ADARB1: variants seen among roughly 807,000 people sequenced by gnomAD.
ADARB1 encodes the protein double-stranded RNA-specific editase 1.
ADARB1 carries 10 observed loss-of-function variants against 52.4 expected under a neutral mutation model. The ratio of observed to expected loss-of-function variants is 0.19; its 90% CI spans 0.12 to 0.32. ADARB1 has a LOEUF of 0.32. ADARB1 is among the 10% of genes least tolerant of loss of function. ADARB1 has a pLI of 1.00. For synonymous variants in ADARB1, 349 were observed against 371.1 expected, an observed-to-expected ratio of 0.94 and a Z score of 0.68; for missense variants, 643 against 922.3, an observed-to-expected ratio of 0.70 and a Z score of 3.92.
At chr21:45,213,770 A>G (rs930300407) in intron 9 of ADARB1, among the ~76,000 whole-genome samples, 3 of 152,226 alleles carry the variant, frequency 2.0e-5, no homozygotes, top group Non-Finnish European at 2.9e-5. Flanking sequence ...CTGGGTGGAT[A>G]AACCACAATT....
intron 1 of ADARB1, among the ~76,000 whole-genome samples, chr21:45,125,992 C>A (rs531771459): frequency 6.6e-6 from 1 of 152,304 alleles, no homozygotes; most frequent in East Asian, 1.9e-4. Context: ...TATCTGTGTG[C>A]CACACAATTC....
chr21:45,088,212 G>A (rs2156271), intron 1 of ADARB1, among the ~76,000 whole-genome samples: 1 of 152,188 alleles, frequency 6.6e-6, no homozygotes, highest in South Asian at 2.1e-4. Context: ...GGAAGACCTA[G>A]AAGCAATGAC....
chr21:45,097,812 C>T (rs1378969550), intron 1 of ADARB1, among the ~76,000 whole-genome samples: 1 of 152,144 alleles, frequency 6.6e-6, no homozygotes, highest in Non-Finnish European at 1.5e-5. Context: ...AACCGCTGCT[C>T]CCTAAAGGAA....
At chr21:45,167,179 G>A (rs1378023482) in intron 2 of ADARB1, among the ~76,000 whole-genome samples, 2 of 152,102 alleles carry the variant, frequency 1.3e-5, no homozygotes, top group Non-Finnish European at 2.9e-5. Flanking sequence ...CACCACACTC[G>A]GCATGACTAT....
intron 1 of ADARB1, among the ~76,000 whole-genome samples, chr21:45,083,087 C>T (rs532709292): frequency 3.9e-5 from 6 of 152,356 alleles, no homozygotes; most frequent in African/African-American, 1.4e-4. Flanking sequence ...TTCCTCCCCA[C>T]ACAGCCTGCC....
chr21:45,081,693 C>G (rs916678617), intron 1 of ADARB1, among the ~76,000 whole-genome samples: 7 of 152,128 alleles, frequency 4.6e-5, no homozygotes, highest in Admixed American at 4.6e-4. Flanking sequence ...GAGGGTGGCT[C>G]CTGGTGGAGG....
At chr21:45,075,171 C>G (rs112372208) in intron 1 of ADARB1, among the ~76,000 whole-genome samples, 289 of 149,652 alleles carry the variant, frequency 1.9e-3, no homozygotes, top group African/African-American at 6.8e-3. Context: ...CCCTGGAGAT[C>G]GGAGGCTGCG....
chr21:45,134,200 GGT>G (rs1247140209), intron 2 of ADARB1, among the ~76,000 whole-genome samples: 1 of 116,854 alleles, frequency 8.6e-6, no homozygotes. Flanking sequence ...GCGCCCGATG[GGT>G]GTGTGTGCCC....
chr21:45,180,031 G>A (rs920766439), intron 4 of ADARB1, among the ~76,000 whole-genome samples: 1 of 152,236 alleles, frequency 6.6e-6, no homozygotes, highest in Non-Finnish European at 1.5e-5. Context: ...CTGAGGGCCG[G>A]GCTGGCCTGC....
rs1020195929 is a variant in ADARB1, at chr21:45,144,862, A to G, written c.-48+16289A>G. ...AGTCTAAATTACTCTGACTTTCAAG[A>G]AACCAAAAATATGCATTTTTGATGT... On this transcript the variant is annotated intron_variant, in intron 2 of 10. Transcript: ENST00000348831. The G allele has an allele frequency of 9.5e-5, 18 of 190,376 alleles. No homozygotes were observed. The Middle Eastern group carries it at 2.0e-3, about 21-fold the overall frequency. 11.8% of individuals were successfully genotyped at this position (190,376 alleles called of 1,614,324 possible).
intron 3 of ADARB1, among the ~76,000 whole-genome samples, chr21:45,173,746 C>T: frequency 6.6e-6 from 1 of 150,838 alleles, no homozygotes; most frequent in Admixed American, 6.6e-5. Flanking sequence ...CTTTTGTTCC[C>T]TTTGAGCACC....
At chr21:45,194,421 T>C (rs1014743702) in intron 8 of ADARB1, among the ~76,000 whole-genome samples, 2 of 147,742 alleles carry the variant, frequency 1.4e-5, no homozygotes, top group East Asian at 4.0e-4. Context: ...AAAAATCCTC[T>C]GTACTCTGCC....
At chr21:45,093,468 G>T (rs763853189) in intron 1 of ADARB1, among the ~76,000 whole-genome samples, 1 of 152,196 alleles carries the variant, frequency 6.6e-6, no homozygotes, top group Non-Finnish European at 1.5e-5. Context: ...TGTGGGTGCC[G>T]AGCCCTCTGG....
chr21:45,115,667 G>A (rs777200398), intron 1 of ADARB1, among the ~76,000 whole-genome samples: 1 of 152,216 alleles, frequency 6.6e-6, no homozygotes, highest in Non-Finnish European at 1.5e-5. Flanking sequence ...AAACTTAATA[G>A]TTGAGGTAGC....
chr21:45,102,187 TG>T (rs1388459965), intron 1 of ADARB1, among the ~76,000 whole-genome samples: 1 of 152,250 alleles, frequency 6.6e-6, no homozygotes, highest in East Asian at 1.9e-4. Context: ...CCACCATGCC[TG>T]GCCAATGTGC....
In ADARB1 at chr21:45,204,391, G is replaced by A. The variant is rs1006668868; in HGVS notation, c.1566-164G>A. On this transcript the variant is annotated intron_variant, in intron 8 of 10. Coordinates refer to ENST00000348831, the MANE Select transcript of ADARB1 (RefSeq NM_001112.4). This position sits in a 1 kb window ranked among gnomAD's most constrained non-coding sequence, Gnocchi z 4.4. ...TAAGTAGATTTTTGTCTTTGTGATC[G>A]TAAGCTGCTAAATCAGTCTGTTAAC... Among the ~76,000 whole-genome samples, 4 of 152,176 alleles carry A rather than the reference G, an allele frequency of 2.6e-5. No individual in the cohort carries two copies. Among genetic ancestry groups the A allele is most frequent in the East Asian group, 1.9e-4 (1 of 5,194 alleles).
At chr21:45,080,294 A>G (rs2086103933) in intron 1 of ADARB1, among the ~76,000 whole-genome samples, 1 of 152,224 alleles carries the variant, frequency 6.6e-6, no homozygotes, top group Non-Finnish European at 1.5e-5. Flanking sequence ...ATAGCATGTT[A>G]TGAGCTAATA....
intron 1 of ADARB1, among the ~76,000 whole-genome samples, chr21:45,106,220 A>T (rs2087252025): frequency 1.4e-5 from 2 of 144,320 alleles, no homozygotes; most frequent in Non-Finnish European, 1.5e-5. Context: ...TCCTTTCTCT[A>T]CTTGGCTATG....
At chr21:45,155,893 A>C (rs1601643962) in intron 2 of ADARB1, among the ~76,000 whole-genome samples, 1 of 31,838 alleles carries the variant, frequency 3.1e-5, no homozygotes, top group Non-Finnish European at 5.6e-5. Flanking sequence ...ACCCACCCTC[A>C]TCACCCATTA....
Sources: gnomAD v4.1 joint callset for allele counts (sites outside exome capture counted in the v4.1 genomes callset) on GRCh38, gnomAD v4.1.1 for gene constraint, Gnocchi (gnomAD v3.1) non-coding constraint, MANE v1.5 for transcripts, NCBI Gene and HGNC (gene_info 2026-07-23, HGNC 2026-07-21) for gene names.